ABCC6: variants seen among roughly 807,000 people sequenced by gnomAD.
ABCC6 encodes the protein ATP-binding cassette sub-family C member 6.
ABCC6 carries 126 observed loss-of-function variants against 169.5 expected under a neutral mutation model. That is an observed-to-expected ratio of 0.74 (90% CI 0.64 to 0.86). The LOEUF is 0.86. Among genes scored for constraint, ABCC6 ranks in the 40% least tolerant of loss-of-function variants. ABCC6 has a pLI of 0.00. For missense variants in ABCC6, 1,733 were observed against 1,927.2 expected (o/e 0.90, Z 1.89); for synonymous variants, 752 against 814.7 (o/e 0.92, Z 1.31).
chr16:16,183,769 A>G (rs2047555484), intron 15 of ABCC6, among the ~76,000 whole-genome samples: 1 of 152,114 alleles, frequency 6.6e-6, no homozygotes, highest in South Asian at 2.1e-4. Context: ...GGTCAGCTAA[A>G]CATCCCACAA....
chr16:16,185,426 G>A (rs212075), intron 14 of ABCC6, among the ~76,000 whole-genome samples: 76,790 of 152,092 alleles, frequency 0.5, 19,841 homozygotes, highest in Non-Finnish European at 0.56. Flanking sequence ...TATGGAAAAA[G>A]TTAGTGAATT....
chr16:16,177,349 G>GT (rs1321142636), intron 19 of ABCC6, 103 bp downstream of exon 19: 10 of 1,334,986 alleles, frequency 7.5e-6, no homozygotes, highest in Non-Finnish European at 1.1e-5. Flanking sequence ...TGCAGACAGG[G>GT]TGTGGCCAGA....
intron 9 of ABCC6, 141 bp downstream of exon 9, chr16:16,201,860 A>T (rs2048245861): frequency 5.1e-6 from 5 of 980,836 alleles, no homozygotes; most frequent in Non-Finnish European, 8.0e-6. Flanking sequence ...CAGAGAAATA[A>T]CTAAGGAAGT....
At chr16:16,200,694 G>A (rs936445948) in intron 9 of ABCC6, among the ~76,000 whole-genome samples, 7 of 150,208 alleles carry the variant, frequency 4.7e-5, no homozygotes, top group African/African-American at 1.5e-4. Flanking sequence ...GGCCACCTAG[G>A]AGCTGTCCCC....
chr16:16,177,947 GGAAA>G (rs1259932911), intron 18 of ABCC6, among the ~76,000 whole-genome samples: 11 of 145,652 alleles, frequency 7.6e-5, no homozygotes, highest in Admixed American at 2.1e-4. Flanking sequence ...TGTCAAGAAA[GGAAA>G]GAAAGAAAGA....
chr16:16,167,361 G>C (rs930051535), intron 22 of ABCC6, among the ~76,000 whole-genome samples: 12 of 152,200 alleles, frequency 7.9e-5, no homozygotes, highest in Non-Finnish European at 4.4e-5. Context: ...GAAATAAAGC[G>C]ATTTCTTGTT....
Position 16,182,943 on chromosome 16 carries a change from G to A in ABCC6, c.1944-13C>T. 1.2e-6 allele frequency: 2 copies of A among 1,614,176 alleles called. No homozygotes were observed. The highest frequency in any genetic ancestry group is 2.2e-5 in the South Asian group (2 of 91,086). ...CGTGAGGTTTATTCTGGACACGCAA[G>A]AGGGGAGACATGACCTTGGTTAGGG... On this transcript the variant is annotated splice_polypyrimidine_tract_variant and intron_variant, in intron 15 of 30. Transcript: ENST00000205557.
Position 16,192,910 on chromosome 16 carries a change from A to G in ABCC6, c.1351T>C (p.Ser451Pro). The change falls in exon 11 of 31, where the codon TCC becomes CCC. Residue 451 changes from serine (S) to proline (P), a missense_variant. Ser to Pro is a moderately conservative substitution (Grantham distance 74). This residue lies in a region of ABCC6 where 1,601 missense variants were observed against 1,635.5 expected (regional missense o/e 0.98). Coordinates refer to ENST00000205557, the MANE Select transcript of ABCC6 (RefSeq NM_001171.6). ...AAGACAGCGATGGCAGTGAGGGCGG[A>G]GGGCCCCAGGAGCTGGGGATAGAAG... is the stretch of plus-strand genomic sequence containing the variant. ...FVYLWQLLGP[S>P]ALTAIAVFLS... 1.9e-6 allele frequency: 3 copies of G among 1,614,102 alleles called. No individual in the cohort carries two copies. The highest frequency in any genetic ancestry group is 2.5e-6 in the Non-Finnish European group (3 of 1,179,976).
chr16:16,183,611 C>T (rs2047551883), intron 15 of ABCC6, among the ~76,000 whole-genome samples: 1 of 152,208 alleles, frequency 6.6e-6, no homozygotes. Context: ...CCTTGCTGAC[C>T]TCCTTGCTGT....
intron 4 of ABCC6, 151 bp downstream of exon 4, chr16:16,219,403 G>A: frequency 3.1e-6 from 2 of 650,076 alleles, no homozygotes; most frequent in Non-Finnish European, 5.3e-6. Flanking sequence ...AGGTGCGGGA[G>A]TGGATTTTGT....
At chr16:16,151,967 C>T (rs543012650) in intron 29 of ABCC6, among the ~76,000 whole-genome samples, 1 of 151,838 alleles carries the variant, frequency 6.6e-6, no homozygotes, top group East Asian at 1.9e-4. Context: ...CTGAGGTGGG[C>T]GGATCACGAG....
At chr16:16,204,837 CTTTT>C (rs869245358) in intron 7 of ABCC6, among the ~76,000 whole-genome samples, 1 of 140,180 alleles carries the variant, frequency 7.1e-6, no homozygotes, top group Non-Finnish European at 1.6e-5. Flanking sequence ...TTTTTCTTTT[CTTTT>C]TTTTTTTTTT....
At chr16:16,216,014 G>C (rs2048859362) in intron 4 of ABCC6, among the ~76,000 whole-genome samples, 1 of 152,082 alleles carries the variant, frequency 6.6e-6, no homozygotes, top group Non-Finnish European at 1.5e-5. Context: ...CCGTCTCCTG[G>C]ATTCAAGTGA....
At chr16:16,154,107 A>T (rs2046468000) in intron 29 of ABCC6, among the ~76,000 whole-genome samples, 1 of 151,572 alleles carries the variant, frequency 6.6e-6, no homozygotes, top group African/African-American at 2.4e-5. Context: ...ATGCCACCAT[A>T]CCTGGCTAAT....
At chr16:16,215,415 G>A (rs2097263) in intron 4 of ABCC6, among the ~76,000 whole-genome samples, 3 of 150,678 alleles carry the variant, frequency 2.0e-5, no homozygotes, top group East Asian at 2.0e-4. Flanking sequence ...TTAATTTAAA[G>A]CATTTTTTAT....
At chr16:16,154,175 G>C (rs1408177157) in intron 29 of ABCC6, among the ~76,000 whole-genome samples, 1 of 151,806 alleles carries the variant, frequency 6.6e-6, no homozygotes, top group Non-Finnish European at 1.5e-5. Flanking sequence ...TCGAACTCCT[G>C]GGCTCAAGCA....
intron 22 of ABCC6, among the ~76,000 whole-genome samples, chr16:16,168,378 C>T (rs1360622073): frequency 3.9e-5 from 1 of 25,772 alleles, no homozygotes; most frequent in Non-Finnish European, 1.1e-4. Context: ...CCCAGCTACT[C>T]GGGAGGCTGA....
At chr16:16,161,338 T>A in intron 25 of ABCC6, 100 bp downstream of exon 25, 1 of 1,563,892 alleles carries the variant, frequency 6.4e-7, no homozygotes, top group Non-Finnish European at 8.7e-7. Context: ...ACACACCATG[T>A]TGGTTTGGAC....
At chr16:16,221,553 T>A (rs1195796149) in intron 2 of ABCC6, 96 bp downstream of exon 2, 24 of 1,549,604 alleles carry the variant, frequency 1.5e-5, no homozygotes, top group Admixed American at 9.8e-5. Flanking sequence ...TACACCCCGA[T>A]AGGAGGAGTC....
Sources: allele counts gnomAD v4.1 joint callset (sites outside exome capture counted in the v4.1 genomes callset), GRCh38; gene constraint gnomAD v4.1.1; regional missense constraint gnomAD v4.1.1; transcripts MANE v1.5; gene names NCBI Gene and HGNC (gene_info 2026-07-23, HGNC 2026-07-21).